Variants in SLC25A21 observed in about 807,000 individuals in gnomAD.
SLC25A21 encodes mitochondrial 2-oxodicarboxylate carrier.
In SLC25A21, 47 loss-of-function variants were observed where a neutral mutation model predicts 43.8. The ratio of observed to expected loss-of-function variants is 1.07; its 90% confidence interval spans 0.85 to 1.37. SLC25A21 has a LOEUF of 1.37. Among genes scored for constraint, SLC25A21 ranks in the 40% most tolerant of loss-of-function variants. The probability of loss-of-function intolerance (pLI) is 0.00; values close to 1 mark genes in which losing one functional copy is unlikely to be tolerated. For missense variants in SLC25A21, 352 were observed against 350.2 expected, an observed-to-expected ratio of 1.00 and a Z score of -0.04; for synonymous variants, 131 against 121.3, an observed-to-expected ratio of 1.08 and a Z score of -0.52.
chr14:37,057,299 C>A (rs945724403), intron 1 of SLC25A21, among the ~76,000 whole-genome samples: 2 of 152,094 alleles, frequency 1.3e-5, no homozygotes, highest in Non-Finnish European at 2.9e-5. Context: ...TCCTAAAAAG[C>A]AATATTCCAG....
chr14:36,823,761 AG>A (rs1158206348), intron 2 of SLC25A21, among the ~76,000 whole-genome samples: 1 of 152,184 alleles, frequency 6.6e-6, no homozygotes, highest in Non-Finnish European at 1.5e-5. Flanking sequence ...AACCCAAAAA[AG>A]TTACCTGTGC....
intron 2 of SLC25A21, among the ~76,000 whole-genome samples, chr14:36,841,885 T>C (rs964675208): frequency 2.0e-5 from 3 of 152,218 alleles, no homozygotes; most frequent in Admixed American, 1.3e-4. Flanking sequence ...TCTTCCTCTG[T>C]GCTTTATTTG....
At chr14:36,705,069 G>C (rs1384774468) in intron 7 of SLC25A21, among the ~76,000 whole-genome samples, 1 of 150,864 alleles carries the variant, frequency 6.6e-6, no homozygotes, top group Non-Finnish European at 1.5e-5. Flanking sequence ...TTTTTTTTTT[G>C]AGACGGATCT....
intron 1 of SLC25A21, among the ~76,000 whole-genome samples, chr14:37,019,753 C>G (rs996044002): frequency 2.0e-5 from 3 of 151,590 alleles, no homozygotes; most frequent in African/African-American, 7.3e-5. Context: ...CCCACTGAGG[C>G]TAGAAAGGGA....
chr14:37,094,579 C>A (rs1489163404), intron 1 of SLC25A21, among the ~76,000 whole-genome samples: 1 of 152,088 alleles, frequency 6.6e-6, no homozygotes, highest in African/African-American at 2.4e-5. Flanking sequence ...AGTTTGTACA[C>A]ATACACATAC....
chr14:36,679,602 ATTTC>A lies in SLC25A21; in HGVS notation c.*1052_*1055del, dbSNP rs1303871442. On this transcript the variant is annotated 3_prime_UTR_variant, in exon 10 of 10. Transcript: ENST00000331299. ...AGTAATCCTTAGAAATGCTAAGTGT[ATTTC>A]TTTTTCAGAACATTTCCCCTTCATC... is the stretch of plus-strand genomic sequence containing the variant. 1.0e-6 allele frequency: 1 copy of A among 985,308 alleles called. No individual in the cohort carries two copies. The highest frequency in any genetic ancestry group is 1.2e-6 in the Non-Finnish European group (1 of 829,908). 61.0% of individuals were successfully genotyped at this position (985,308 alleles called of 1,614,324 possible).
chr14:37,005,306 G>A (rs529640965), intron 1 of SLC25A21, among the ~76,000 whole-genome samples: 1 of 97,672 alleles, frequency 1.0e-5, no homozygotes, highest in South Asian at 3.7e-4. Flanking sequence ...TGCATCCGCA[G>A]GAAGCTCAGG....
rs964674543 is a variant in SLC25A21 at position 37,156,090 on chromosome 14, C to T, written c.70+16191G>A. Among the ~76,000 whole-genome samples, 22 of 145,988 alleles carry T rather than the reference C, an allele frequency of 1.5e-4. No individual in the cohort carries two copies. In the South Asian group the frequency reaches 2.2e-3, roughly 15 times the overall value. On this transcript the variant is annotated intron_variant, in intron 1 of 9. Coordinates refer to ENST00000331299, the MANE Select transcript of SLC25A21 (RefSeq NM_030631.4). Reference sequence around the variant, plus strand: ...AGGAGAATCACTTGAACCCAGGAGGCGGAGGTTGCAGTGAGCTGAGATCGC... The same window carrying T: ...AGGAGAATCACTTGAACCCAGGAGGTGGAGGTTGCAGTGAGCTGAGATCGC...
At chr14:37,077,939 A>T (rs1330367825) in intron 1 of SLC25A21, among the ~76,000 whole-genome samples, 1 of 152,194 alleles carries the variant, frequency 6.6e-6, no homozygotes, top group Non-Finnish European at 1.5e-5. Context: ...TAGACATTTT[A>T]AAAATTTTTT....
chr14:36,757,149 T>C (rs1330770365), intron 3 of SLC25A21, among the ~76,000 whole-genome samples: 3 of 150,816 alleles, frequency 2.0e-5, no homozygotes, highest in Non-Finnish European at 4.4e-5. Flanking sequence ...TCCCAGTTAC[T>C]CCAGAGGCTG....
chr14:36,740,911 A>G (rs1010451221), intron 3 of SLC25A21, among the ~76,000 whole-genome samples: 1 of 152,188 alleles, frequency 6.6e-6, no homozygotes, highest in African/African-American at 2.4e-5. Context: ...GCCTTAATTA[A>G]ACATTGTGTA....
chr14:37,125,281 G>A (rs1034256897), intron 1 of SLC25A21, among the ~76,000 whole-genome samples: 2 of 152,130 alleles, frequency 1.3e-5, no homozygotes, highest in Admixed American at 6.6e-5. Flanking sequence ...AAATATTATG[G>A]AGTCACATAT....
chr14:37,157,828 AT>A (rs1218202581), intron 1 of SLC25A21, among the ~76,000 whole-genome samples: 8 of 152,330 alleles, frequency 5.3e-5, no homozygotes, highest in Non-Finnish European at 1.0e-4. Flanking sequence ...GATAAATAAA[AT>A]TGATAAACCA....
At chr14:36,839,783 T>G (rs1402771975) in intron 2 of SLC25A21, among the ~76,000 whole-genome samples, 1 of 152,352 alleles carries the variant, frequency 6.6e-6, no homozygotes, top group East Asian at 1.9e-4. Flanking sequence ...ACATCTATGC[T>G]ATAGGGAATA....
chr14:36,883,929 T>A (rs1890836775), intron 1 of SLC25A21, among the ~76,000 whole-genome samples: 1 of 152,198 alleles, frequency 6.6e-6, no homozygotes, highest in Non-Finnish European at 1.5e-5. Context: ...GTGGAATGAT[T>A]GAGTCAAGCT....
intron 1 of SLC25A21, among the ~76,000 whole-genome samples, chr14:37,012,377 C>A (rs2138740934): frequency 6.6e-6 from 1 of 152,210 alleles, no homozygotes; most frequent in Admixed American, 6.5e-5. Context: ...TTGAAATTAA[C>A]CCACTATAAG....
chr14:37,159,883 T>C (rs1264325471), intron 1 of SLC25A21, among the ~76,000 whole-genome samples: 2 of 151,976 alleles, frequency 1.3e-5, no homozygotes, highest in Non-Finnish European at 2.9e-5. Flanking sequence ...AGGACAAAGA[T>C]AAATAACATC....
At chr14:37,090,946 C>A (rs2138850464) in intron 1 of SLC25A21, among the ~76,000 whole-genome samples, 1 of 152,328 alleles carries the variant, frequency 6.6e-6, no homozygotes, top group Non-Finnish European at 1.5e-5. Flanking sequence ...CTGTGTGTCT[C>A]TGGTGACAAC....
At chr14:37,061,094 G>C (rs1031322177) in intron 1 of SLC25A21, among the ~76,000 whole-genome samples, 24 of 152,190 alleles carry the variant, frequency 1.6e-4, no homozygotes, top group African/African-American at 5.8e-4. Context: ...AGCAAGGACA[G>C]TCCAGCTGGG....
Sources: allele counts gnomAD v4.1 joint callset (sites outside exome capture counted in the v4.1 genomes callset), GRCh38; gene constraint gnomAD v4.1.1; transcripts MANE v1.5; gene names NCBI Gene and HGNC (gene_info 2026-07-23, HGNC 2026-07-21).